Variants in SEMA6D observed in about 807,000 individuals in gnomAD.
SEMA6D encodes the protein semaphorin-6D.
A neutral mutation model predicts 106.6 loss-of-function variants in SEMA6D; 35 were observed. The ratio of observed to expected loss-of-function variants is 0.33; its 90% CI spans 0.25 to 0.44. The LOEUF (loss-of-function observed/expected upper bound fraction) is 0.44. Ranked by LOEUF, SEMA6D falls within the 20% of genes least tolerant of loss-of-function variation. SEMA6D has a pLI of 1.00. For missense variants in SEMA6D, 1,185 were observed against 1,345.9 expected (o/e 0.88, Z 1.87); for synonymous variants, 499 against 487.7 (o/e 1.02, Z -0.31).
intron 3 of SEMA6D, among the ~76,000 whole-genome samples, chr15:47,563,798 A>T (rs2046148556): frequency 6.6e-6 from 1 of 152,232 alleles, no homozygotes. Flanking sequence ...TAATAAAAGC[A>T]TCACATTTAC....
chr15:47,334,023 C>T (rs771730522), intron 1 of SEMA6D, among the ~76,000 whole-genome samples: 1 of 152,150 alleles, frequency 6.6e-6, no homozygotes, highest in Non-Finnish European at 1.5e-5. Flanking sequence ...AAGATCTGAA[C>T]AGTTAGGTCT....
At chr15:47,430,427 A>T (rs1468381399) in intron 2 of SEMA6D, among the ~76,000 whole-genome samples, 1 of 151,670 alleles carries the variant, frequency 6.6e-6, no homozygotes, top group East Asian at 1.9e-4. Context: ...TTGGCATCTT[A>T]TCAGACTGGG....
intron 18 of SEMA6D, among the ~76,000 whole-genome samples, chr15:47,769,973 G>A (rs552623683): frequency 6.6e-6 from 1 of 152,078 alleles, no homozygotes; most frequent in South Asian, 2.1e-4. Flanking sequence ...AGCTAACAGT[G>A]ATCAAGCAGA....
intron 3 of SEMA6D, among the ~76,000 whole-genome samples, chr15:47,523,098 A>G (rs946612536): frequency 2.0e-5 from 3 of 152,166 alleles, no homozygotes; most frequent in Non-Finnish European, 4.4e-5. Flanking sequence ...CCCATCTTCC[A>G]TCTGCTAACA....
intron 3 of SEMA6D, among the ~76,000 whole-genome samples, chr15:47,484,898 T>C (rs2043253060): frequency 6.6e-6 from 1 of 152,192 alleles, no homozygotes; most frequent in African/African-American, 2.4e-5. Context: ...ATGAATGCCA[T>C]GTGATGTCCT....
intron 3 of SEMA6D, among the ~76,000 whole-genome samples, chr15:47,528,845 C>T (rs547498049): frequency 6.2e-4 from 94 of 152,312 alleles, no homozygotes; most frequent in Non-Finnish European, 1.1e-3. Context: ...ACCCCTAACA[C>T]AGTTGAAAGT....
Position 47,770,714 on chromosome 15 carries a change from G to T in SEMA6D, c.2151G>T (p.Leu717=). The change falls in exon 19 of 19, where the codon CTG becomes CTT. Residue 717 remains leucine, a synonymous_variant. Transcript: ENST00000536845. ...ACTCCAGTGGAAGTTTTGCCAAACT[G>T]AATGGTCTCTTTGACAGCCCTGTCA... The part of the protein sequence containing the change: ...CTDSSGSFAK[L]NGLFDSPVKE... The T allele has an allele frequency of 5.6e-6, 9 of 1,614,100 alleles. No homozygotes were observed. The highest frequency in any genetic ancestry group is 7.6e-6 in the Non-Finnish European group (9 of 1,179,988).
At chr15:47,418,746 T>C (rs1392999435) in intron 2 of SEMA6D, among the ~76,000 whole-genome samples, 2 of 152,082 alleles carry the variant, frequency 1.3e-5, no homozygotes, top group East Asian at 3.9e-4. Context: ...CTTCAATTAC[T>C]TCAGCAAGAG....
At chr15:47,332,092 A>G (rs1595749635) in intron 1 of SEMA6D, among the ~76,000 whole-genome samples, 1 of 152,258 alleles carries the variant, frequency 6.6e-6, no homozygotes, top group East Asian at 1.9e-4. Flanking sequence ...GTCTGTTTCT[A>G]ATTAGTTTAC....
chr15:47,645,665 A>G (rs935986836), intron 4 of SEMA6D, among the ~76,000 whole-genome samples: 2 of 152,054 alleles, frequency 1.3e-5, no homozygotes, highest in Non-Finnish European at 2.9e-5. Flanking sequence ...CTACCTGGAG[A>G]TAGCATCAGG....
chr15:47,570,801 T>A (rs929213904), intron 3 of SEMA6D, among the ~76,000 whole-genome samples: 1 of 152,182 alleles, frequency 6.6e-6, no homozygotes, highest in Non-Finnish European at 1.5e-5. Flanking sequence ...AATGATTAAC[T>A]TGTGGCCAAA....
At chr15:47,363,433 T>C (rs2038887502) in intron 1 of SEMA6D, among the ~76,000 whole-genome samples, 1 of 152,172 alleles carries the variant, frequency 6.6e-6, no homozygotes, top group Admixed American at 6.5e-5. Flanking sequence ...TTCCGAACTT[T>C]TGAAGAATTT....
At chr15:47,494,743 TA>T (rs1454326038) in intron 3 of SEMA6D, among the ~76,000 whole-genome samples, 2 of 23,106 alleles carry the variant, frequency 8.7e-5, no homozygotes, top group Non-Finnish European at 1.4e-4. Context: ...GGGATGGAGA[TA>T]TATATATATA....
intron 3 of SEMA6D, among the ~76,000 whole-genome samples, chr15:47,489,238 A>G (rs2043390248): frequency 1.3e-5 from 2 of 152,156 alleles, no homozygotes; most frequent in Admixed American, 1.3e-4. Context: ...AGGGACAAGG[A>G]CAAATCCTCT....
chr15:47,526,574 A>AT (rs900659054), intron 3 of SEMA6D, among the ~76,000 whole-genome samples: 2 of 152,112 alleles, frequency 1.3e-5, no homozygotes, highest in Non-Finnish European at 2.9e-5. Flanking sequence ...GAACGTGCAT[A>AT]TTTAATTTGG....
intron 1 of SEMA6D, among the ~76,000 whole-genome samples, chr15:47,376,695 A>G (rs2039461306): frequency 6.6e-6 from 1 of 152,200 alleles, no homozygotes; most frequent in Non-Finnish European, 1.5e-5. Flanking sequence ...CTGGCTCTTT[A>G]TTAGGTTACA....
At chr15:47,761,253 A>T (rs1311888081) in intron 5 of SEMA6D, 33 bp downstream of exon 5, 1 of 1,612,686 alleles carries the variant, frequency 6.2e-7, no homozygotes, top group East Asian at 2.2e-5. Context: ...TGCTAGATTT[A>T]GTCTTTCTGT....
chr15:47,650,408 A>G (rs183525736), intron 4 of SEMA6D, among the ~76,000 whole-genome samples: 80 of 152,364 alleles, frequency 5.3e-4, no homozygotes, highest in Admixed American at 9.8e-4. Context: ...CTTTTGCTGA[A>G]TTCATATTTA....
chr15:47,436,768 A>AAAAT (rs1302309417), intron 2 of SEMA6D, among the ~76,000 whole-genome samples: 1 of 125,402 alleles, frequency 8.0e-6, no homozygotes, highest in African/African-American at 3.0e-5. Context: ...TAAAAAAAAA[A>AAAAT]ATATATATAT....
Sources: allele counts gnomAD v4.1 joint callset (sites outside exome capture counted in the v4.1 genomes callset), GRCh38; gene constraint gnomAD v4.1.1; transcripts MANE v1.5; gene names NCBI Gene and HGNC (gene_info 2026-07-23, HGNC 2026-07-21).